The following PDZRN3 variants were observed in gnomAD, a reference collection of about 807,000 sequenced individuals.
PDZRN3 encodes PDZ domain containing ring finger 3.
In PDZRN3, 38 loss-of-function variants were observed where a neutral mutation model predicts 85.7. The ratio of observed to expected loss-of-function variants is 0.44; its 90% confidence interval spans 0.34 to 0.58. PDZRN3 has a LOEUF of 0.58. Among genes scored for constraint, PDZRN3 ranks in the 20% least tolerant of loss-of-function variants. The probability of loss-of-function intolerance (pLI) is 0.01; values close to 1 mark genes in which losing one functional copy is unlikely to be tolerated. For missense variants in PDZRN3, 1,629 were observed against 1,506.4 expected, an observed-to-expected ratio of 1.08 and a Z score of -1.35; for synonymous variants, 759 against 638.0, an observed-to-expected ratio of 1.19 and a Z score of -2.86.
chr3:73,597,742 CAAA>C (rs35587987), intron 3 of PDZRN3, among the ~76,000 whole-genome samples: 7 of 107,460 alleles, frequency 6.5e-5, no homozygotes, highest in Non-Finnish European at 4.0e-5. Context: ...AAGCCATGAC[CAAA>C]AAAAAAAAAA....
At chr3:73,498,919 C>G (rs1410563765) in intron 3 of PDZRN3, among the ~76,000 whole-genome samples, 1 of 152,048 alleles carries the variant, frequency 6.6e-6, no homozygotes, top group Non-Finnish European at 1.5e-5. Context: ...CAGCATAGAC[C>G]CAGATGCTGG....
intron 3 of PDZRN3, among the ~76,000 whole-genome samples, chr3:73,551,314 A>G (rs1047551750): frequency 3.9e-5 from 6 of 152,246 alleles, no homozygotes; most frequent in African/African-American, 1.4e-4. Flanking sequence ...AGAAAAGTCA[A>G]TGTAGCAAAA....
At chr3:73,476,070 A>T (rs900143764) in intron 3 of PDZRN3, among the ~76,000 whole-genome samples, 1 of 152,220 alleles carries the variant, frequency 6.6e-6, no homozygotes, top group Non-Finnish European at 1.5e-5. Context: ...CCACTGTGGC[A>T]GTCAGCCTCC....
chr3:73,559,700 TA>T (rs1701775970), intron 3 of PDZRN3, among the ~76,000 whole-genome samples: 1 of 152,212 alleles, frequency 6.6e-6, no homozygotes. Flanking sequence ...GTTTACACTT[TA>T]AAAGAGGGGA....
chr3:73,535,488 C>T lies in PDZRN3; in HGVS notation c.918+66866G>A, dbSNP rs942631653. The stretch of plus-strand genomic sequence containing the variant: ...AGTAACAGCAAAGGCAAAGATGTAT[C>T]AGCCAAGCCATGGGCTATCAGTGCC... On this transcript the variant is annotated intron_variant, in intron 3 of 9. Transcript: ENST00000263666. 2.0e-5 allele frequency among the ~76,000 whole-genome samples: 3 copies of T among 152,324 alleles called. No homozygotes were observed. The South Asian group carries it at 6.2e-4, about 32-fold the overall frequency.
chr3:73,431,227 G>T (rs1023657585), intron 3 of PDZRN3, among the ~76,000 whole-genome samples: 3 of 152,178 alleles, frequency 2.0e-5, no homozygotes, highest in African/African-American at 7.2e-5. Context: ...TTATGTGGTG[G>T]TGTTGTTTTT....
intron 3 of PDZRN3, among the ~76,000 whole-genome samples, chr3:73,453,092 T>C (rs1702899879): frequency 6.6e-6 from 1 of 152,098 alleles, no homozygotes. Flanking sequence ...CCACTTTCCC[T>C]TTCCAGCAGT....
chr3:73,384,089 A>T lies in PDZRN3; in HGVS notation c.2477T>A (p.Leu826Gln), dbSNP rs1703340108. 6.2e-7 allele frequency: 1 copy of T among 1,613,272 alleles called. No homozygotes were observed. The highest frequency in any genetic ancestry group is 8.5e-7 in the Non-Finnish European group (1 of 1,179,820). Residue 826 changes from leucine (L) to glutamine (Q), a missense_variant, in exon 10 of 10, where the codon CTG becomes CAG. Transcript: ENST00000263666. Reference protein sequence around the residue: ...EVGTPTYSPSLKELDPNQPLE... With the variant: ...EVGTPTYSPSQKELDPNQPLE... ...GGGCTGGTTGGGGTCCAGCTCCTTC[A>T]GGGACGGGCTATAGGTAGGGGTGCC...
At chr3:73,495,223 C>G (rs143595717) in intron 3 of PDZRN3, among the ~76,000 whole-genome samples, 24 of 152,196 alleles carry the variant, frequency 1.6e-4, no homozygotes, top group Admixed American at 1.5e-3. Flanking sequence ...CTTTCGATAG[C>G]AAGATTCTTT....
At chr3:73,464,386 G>A (rs964369305) in intron 3 of PDZRN3, among the ~76,000 whole-genome samples, 2 of 151,904 alleles carry the variant, frequency 1.3e-5, no homozygotes, top group African/African-American at 4.8e-5. Flanking sequence ...GGTTATTATT[G>A]GTATAGAAAG....
At chr3:73,510,312 T>A (rs547711398) in intron 3 of PDZRN3, among the ~76,000 whole-genome samples, 17 of 152,320 alleles carry the variant, frequency 1.1e-4, no homozygotes, top group African/African-American at 3.6e-4. Flanking sequence ...ACCTTTTACG[T>A]CTGGTCTTGC....
chr3:73,498,381 A>G (rs1191442958), intron 3 of PDZRN3, among the ~76,000 whole-genome samples: 1 of 152,204 alleles, frequency 6.6e-6, no homozygotes, highest in African/African-American at 2.4e-5. Context: ...CGCTGGCTCC[A>G]GTATCAAAAG....
At chr3:73,401,848 C>A (rs1701756191) in intron 4 of PDZRN3, 1 of 152,220 alleles carries the variant, frequency 6.6e-6, no homozygotes, top group Non-Finnish European at 1.5e-5. Flanking sequence ...TGGCTGGGGA[C>A]CCAAACCTTC....
chr3:73,485,591 G>A (rs1703647596), intron 3 of PDZRN3, among the ~76,000 whole-genome samples: 1 of 152,186 alleles, frequency 6.6e-6, no homozygotes, highest in Non-Finnish European at 1.5e-5. Context: ...TTTAGCATAG[G>A]TGAGAGTATT....
At chr3:73,497,410 A>C (rs1457450007) in intron 3 of PDZRN3, among the ~76,000 whole-genome samples, 3 of 135,676 alleles carry the variant, frequency 2.2e-5, no homozygotes, top group Non-Finnish European at 4.5e-5. Context: ...TACTTTAAAA[A>C]AATTTTTTTA....
intron 3 of PDZRN3, among the ~76,000 whole-genome samples, chr3:73,503,697 T>C (rs1051291527): frequency 5.9e-5 from 9 of 151,934 alleles, no homozygotes; most frequent in Admixed American, 6.6e-5. Context: ...ACAGCATTTA[T>C]TGTGTCTGAA....
intron 3 of PDZRN3, among the ~76,000 whole-genome samples, chr3:73,442,272 AG>A (rs1702653282): frequency 6.6e-6 from 1 of 152,146 alleles, no homozygotes; most frequent in Non-Finnish European, 1.5e-5. Context: ...CTCGAGACAG[AG>A]GGGAAGTGGG....
chr3:73,611,517 C>T (rs574304779), intron 1 of PDZRN3, among the ~76,000 whole-genome samples: 1 of 152,326 alleles, frequency 6.6e-6, no homozygotes, highest in South Asian at 2.1e-4. Context: ...AGTCTACTGT[C>T]CACAAGTGTC....
chr3:73,499,597 T>G (rs567129453), intron 3 of PDZRN3, among the ~76,000 whole-genome samples: 3 of 152,282 alleles, frequency 2.0e-5, no homozygotes, highest in African/African-American at 4.8e-5. Flanking sequence ...ATTCTGAAAC[T>G]ATTCTAGTCA....
Sources: allele counts gnomAD v4.1 joint callset (sites outside exome capture counted in the v4.1 genomes callset), GRCh38; gene constraint gnomAD v4.1.1; transcripts MANE v1.5; gene names NCBI Gene and HGNC (gene_info 2026-07-23, HGNC 2026-07-21).